PTPRD: variants seen among roughly 807,000 people sequenced by gnomAD.
The protein encoded by PTPRD is protein tyrosine phosphatase receptor type D.
A neutral mutation model predicts 214.5 loss-of-function variants in PTPRD; 34 were observed. The observed-to-expected ratio is 0.16, with a 90% CI of 0.12 to 0.21. The LOEUF is 0.21. PTPRD is among the 10% of genes least tolerant of loss of function. The pLI, the probability that PTPRD is intolerant of heterozygous loss-of-function variation, is 1.00. For synonymous variants in PTPRD, 1,128 were observed against 845.7 expected (o/e 1.33, Z -5.79); for missense variants, 2,545 against 2,398.7 (o/e 1.06, Z -1.27).
At chr9:10,353,533 G>A (rs2097217219) in intron 2 of PTPRD, among the ~76,000 whole-genome samples, 1 of 151,898 alleles carries the variant, frequency 6.6e-6, no homozygotes, top group African/African-American at 2.4e-5. Flanking sequence ...CTGCATGGGA[G>A]AAGAGAGGAT....
intron 2 of PTPRD, among the ~76,000 whole-genome samples, chr9:10,371,748 C>T (rs1011474435): frequency 2.6e-5 from 4 of 152,026 alleles, no homozygotes; most frequent in Non-Finnish European, 4.4e-5. Flanking sequence ...TGATCATTTA[C>T]ATGATTAGAA....
intron 5 of PTPRD, among the ~76,000 whole-genome samples, chr9:9,767,956 G>C (rs1229053240): frequency 1.3e-5 from 2 of 152,092 alleles, no homozygotes; most frequent in African/African-American, 4.8e-5. Context: ...GTTACTGTGT[G>C]TTCTAGAATG....
intron 35 of PTPRD, among the ~76,000 whole-genome samples, chr9:8,409,715 C>T (rs1465064535): frequency 1.3e-5 from 2 of 152,098 alleles, no homozygotes; most frequent in African/African-American, 4.8e-5. Flanking sequence ...TTTCACTTTC[C>T]CTCATCCCGC....
intron 4 of PTPRD, among the ~76,000 whole-genome samples, chr9:9,955,521 G>GTTTTTTTT (rs1194987444): frequency 2.5e-4 from 36 of 145,538 alleles, no homozygotes; most frequent in African/African-American, 9.4e-4. Flanking sequence ...GTTTTGTTTT[G>GTTTTTTTT]TTTTGTTTTT....
intron 11 of PTPRD, among the ~76,000 whole-genome samples, chr9:8,894,801 C>T (rs923492171): frequency 6.6e-6 from 1 of 151,852 alleles, no homozygotes; most frequent in African/African-American, 2.4e-5. Context: ...TATGATATGT[C>T]CTTGTTGTTA....
intron 3 of PTPRD, among the ~76,000 whole-genome samples, chr9:10,280,244 G>C (rs190651005): frequency 6.6e-6 from 1 of 152,074 alleles, no homozygotes; most frequent in East Asian, 1.9e-4. Context: ...GAGTAATGTA[G>C]TTAAATTTAC....
At chr9:8,932,246 A>G (rs2098958045) in intron 11 of PTPRD, among the ~76,000 whole-genome samples, 1 of 151,814 alleles carries the variant, frequency 6.6e-6, no homozygotes, top group Non-Finnish European at 1.5e-5. Context: ...TTTAATTGTG[A>G]TGTTAGGGTG....
intron 2 of PTPRD, among the ~76,000 whole-genome samples, chr9:10,455,811 C>A (rs1376629862): frequency 6.6e-6 from 1 of 151,758 alleles, no homozygotes; most frequent in East Asian, 1.9e-4. Flanking sequence ...AAAACTATTA[C>A]TCCTACTGAA....
At chr9:10,208,696 TAA>T (rs1463952971) in intron 3 of PTPRD, among the ~76,000 whole-genome samples, 1 of 152,212 alleles carries the variant, frequency 6.6e-6, no homozygotes, top group African/African-American at 2.4e-5. Flanking sequence ...TTTGTCAATA[TAA>T]GCTGTTTGGG....
intron 6 of PTPRD, among the ~76,000 whole-genome samples, chr9:9,762,478 T>C (rs993014963): frequency 1.3e-5 from 2 of 152,190 alleles, no homozygotes; most frequent in African/African-American, 4.8e-5. Flanking sequence ...CTTCAATTCC[T>C]CTCTCTCCTC....
In PTPRD at chr9:8,816,697, A is replaced by T. The variant is rs150593106; in HGVS notation, c.-103-82751T>A. Among the ~76,000 whole-genome samples the T allele has an allele frequency of 1.3e-3, 203 of 152,250 alleles. 2 individuals are homozygous for T. The highest frequency in any genetic ancestry group is 4.6e-3 in the African/African-American group (192 of 41,544). ...GATGGAAGAAAGGTACAAATCCTTT[A>T]AAAATTAGAGAAATAGGCACTCTTT... is the stretch of plus-strand genomic sequence containing the variant. On this transcript the variant is annotated intron_variant, in intron 11 of 45. Coordinates refer to ENST00000381196, the MANE Select transcript of PTPRD (RefSeq NM_002839.4).
At chr9:10,400,094 C>T (rs2154495232) in intron 2 of PTPRD, among the ~76,000 whole-genome samples, 1 of 151,866 alleles carries the variant, frequency 6.6e-6, no homozygotes, top group African/African-American at 2.4e-5. Flanking sequence ...AGTGGTTAAG[C>T]ATGTGTTCAC....
chr9:9,425,646 G>T (rs2080576189), intron 8 of PTPRD, among the ~76,000 whole-genome samples: 1 of 151,536 alleles, frequency 6.6e-6, no homozygotes, highest in Non-Finnish European at 1.5e-5. Flanking sequence ...ACCATGCCAT[G>T]AACTTACATT....
At chr9:10,250,202 G>T (rs1347838923) in intron 3 of PTPRD, among the ~76,000 whole-genome samples, 2 of 152,072 alleles carry the variant, frequency 1.3e-5, no homozygotes, top group Non-Finnish European at 2.9e-5. Flanking sequence ...GGGAAATGAA[G>T]AATCTGATAA....
chr9:9,390,413 T>C lies in PTPRD; in HGVS notation c.-203+7036A>G, dbSNP rs116837409. Among the ~76,000 whole-genome samples, 1,423 of 152,310 alleles carry C rather than the reference T, an allele frequency of 9.3e-3. 22 individuals carry two copies. The highest frequency in any genetic ancestry group is 0.033 in the African/African-American group (1,352 of 41,578). On this transcript the variant is annotated intron_variant, in intron 9 of 45. Transcript: ENST00000381196. The stretch of plus-strand genomic sequence containing the variant: ...TGGGAAAACAAATTCCTGGGCTCCA[T>C]GAAATACTCGTCCACTCTATCAGTC...
chr9:9,803,130 A>T (rs1246472235), intron 5 of PTPRD, among the ~76,000 whole-genome samples: 1 of 151,916 alleles, frequency 6.6e-6, no homozygotes, highest in East Asian at 1.9e-4. Context: ...ACATGTAAGC[A>T]TTACGCAAAT....
At chr9:9,501,823 G>A (rs2096424015) in intron 8 of PTPRD, among the ~76,000 whole-genome samples, 1 of 151,756 alleles carries the variant, frequency 6.6e-6, no homozygotes, top group Admixed American at 6.6e-5. Context: ...AGTCAAAGAA[G>A]ATATCACAAA....
intron 3 of PTPRD, among the ~76,000 whole-genome samples, chr9:10,250,840 G>C (rs978126126): frequency 1.3e-5 from 2 of 151,638 alleles, no homozygotes; most frequent in Non-Finnish European, 2.9e-5. Context: ...ATTTATATGT[G>C]TATAATCATA....
intron 11 of PTPRD, among the ~76,000 whole-genome samples, chr9:8,866,826 A>G (rs920028808): frequency 2.6e-5 from 4 of 152,236 alleles, no homozygotes; most frequent in African/African-American, 9.6e-5. Flanking sequence ...TACTACTTCC[A>G]TTAGAATATC....
Sources: gnomAD v4.1 joint callset for allele counts (sites outside exome capture counted in the v4.1 genomes callset) on GRCh38, gnomAD v4.1.1 for gene constraint, MANE v1.5 for transcripts, NCBI Gene and HGNC (gene_info 2026-07-23, HGNC 2026-07-21) for gene names.